Variants in ZDHHC24 observed in about 807,000 individuals in gnomAD.
ZDHHC24 encodes probable palmitoyltransferase ZDHHC24.
ZDHHC24 carries 17 observed loss-of-function variants against 23.2 expected under a neutral mutation model. That is an observed-to-expected ratio of 0.73 (90% CI 0.50 to 1.10). The LOEUF (loss-of-function observed/expected upper bound fraction) is 1.10. Ranked by LOEUF, ZDHHC24 falls within the 50% of genes least tolerant of loss-of-function variation. The pLI, the probability that ZDHHC24 is intolerant of heterozygous loss-of-function variation, is 0.00. For synonymous variants in ZDHHC24, 186 were observed against 194.5 expected (o/e 0.96, Z 0.36); for missense variants, 366 against 393.0 (o/e 0.93, Z 0.58).
downstream of ZDHHC24, among the ~76,000 whole-genome samples, chr11:66,534,969 T>G (rs1421037729): frequency 2.0e-5 from 3 of 152,146 alleles, no homozygotes; most frequent in South Asian, 2.1e-4. Flanking sequence ...CTCGGCTCAC[T>G]GCAACCTCTG....
downstream of ZDHHC24, among the ~76,000 whole-genome samples, chr11:66,534,831 G>A (rs1206147231): frequency 6.6e-6 from 1 of 151,994 alleles, no homozygotes; most frequent in Non-Finnish European, 1.5e-5. Flanking sequence ...GAGTAGCTGG[G>A]ACTACAGGCG....
chr11:66,523,191 T>G, intron 4 of ZDHHC24: 2 of 593,912 alleles, frequency 3.4e-6, no homozygotes, highest in Non-Finnish European at 6.3e-6. Context: ...CAAGCCACCA[T>G]AGTGAAGGTG....
At chr11:66,533,946 A>G (rs1017780248), downstream of ZDHHC24, among the ~76,000 whole-genome samples, 1 of 152,208 alleles carries the variant, frequency 6.6e-6, no homozygotes, top group Admixed American at 6.6e-5. Flanking sequence ...GGGCAGGCGG[A>G]CCACCTGAGG....
Position 66,529,310 on chromosome 11 carries a change from A to C in ZDHHC24, c.736+2T>G, listed in dbSNP as rs1360208689. The C allele has an allele frequency of 6.5e-7, 1 of 1,536,194 alleles. No homozygotes were observed. The highest frequency in any genetic ancestry group is 8.7e-7 in the Non-Finnish European group (1 of 1,146,814). ...ACAGGGAGGCAGTGACGGAGGCAGG[A>C]CCATGAGGCTGGTTTCCGCAGCATT... is the stretch of plus-strand genomic sequence containing the variant. On this transcript the variant is annotated splice_donor_variant, in intron 3 of 4. Coordinates refer to the ZDHHC24 transcript ENST00000526986. LOFTEE classifies it high-confidence loss of function.
chr11:66,528,546 G>A (rs1221072097), intron 3 of ZDHHC24, among the ~76,000 whole-genome samples: 1 of 152,188 alleles, frequency 6.6e-6, no homozygotes, highest in Non-Finnish European at 1.5e-5. Flanking sequence ...GCAGGATTAG[G>A]AAGTCCAGAA....
exon 5 of ZDHHC24, chr11:66,521,108 G>T (rs1035875357): frequency 2.2e-5 from 15 of 687,244 alleles, no homozygotes; most frequent in Non-Finnish European, 3.4e-5. Flanking sequence ...TTTGCTAAAT[G>T]TTGCCCCAAG....
At position 66,539,798 on chromosome 11, in the gene ZDHHC24, A is replaced by C; in HGVS notation, c.586T>G (p.Leu196Val). ...TGRVSLAQFA[L>V]AFVTDTCVAG... ...ACGCACGTGTCCGTCACGAAGGCCAAGGCAAACTGTGCCAGAGACACTCTG... is the reference window on the plus strand; with the variant it reads ...ACGCACGTGTCCGTCACGAAGGCCACGGCAAACTGTGCCAGAGACACTCTG... Residue 196 changes from leucine (L) to valine (V), a missense_variant, in exon 3 of 3, where the codon TTG (leucine) becomes GTG (valine). By Grantham distance (32) the Leu-to-Val change is conservative. Transcript: ENST00000310442. 1 of 1,610,056 alleles carries C rather than the reference A, an allele frequency of 6.2e-7. No homozygotes were observed. The highest frequency in any genetic ancestry group is 8.5e-7 in the Non-Finnish European group (1 of 1,178,030).
chr11:66,545,943 G>C lies in ZDHHC24; in HGVS notation c.61C>G (p.Leu21Val). The change falls in exon 1 of 3, where the codon CTC (leucine) becomes GTC (valine). Residue 21 changes from leucine to valine, a missense_variant. Physicochemically the swap from Leu to Val is conservative, Grantham distance 32. Coordinates refer to ENST00000310442, the MANE Select transcript of ZDHHC24 (RefSeq NM_207340.3). This position sits in a 1 kb window ranked among gnomAD's most constrained non-coding sequence, Gnocchi z 4.5. Reference protein sequence around the residue: ...DGAPAQLPLVLTALWAAAVGL... With the variant: ...DGAPAQLPLVVTALWAAAVGL... ...ACGGCCGCGGCCCACAGCGCGGTGA[G>C]CACGAGAGGCAGCTGCGCGGGCGCC... 6.8e-7 allele frequency: 1 copy of C among 1,469,256 alleles called. No individual in the cohort carries two copies. Among genetic ancestry groups the C allele is most frequent in the East Asian group, 2.7e-5 (1 of 36,428 alleles). 91.0% of individuals were successfully genotyped at this position (1,469,256 alleles called of 1,614,324 possible).
downstream of ZDHHC24, chr11:66,533,567 A>T (rs1049032089): frequency 3.3e-5 from 5 of 152,226 alleles, no homozygotes; most frequent in African/African-American, 1.2e-4. Context: ...CGGAGCCAAG[A>T]GTTGGACTAT....
At chr11:66,539,852 G>T in intron 2 of ZDHHC24, 28 bp from the exon 3 acceptor site, 1 of 1,548,450 alleles carries the variant, frequency 6.5e-7, no homozygotes, top group Admixed American at 1.9e-5. Context: ...AGAGGGTCAG[G>T]GAGGGGCAGT....
At chr11:66,531,371 A>G (rs139085733), downstream of ZDHHC24, among the ~76,000 whole-genome samples, 1,444 of 152,282 alleles carry the variant, frequency 9.5e-3, 7 homozygotes, top group Non-Finnish European at 0.015. Context: ...CCCAGGGCCC[A>G]GGTCTGACCC....
At chr11:66,529,907 C>T in intron 2 of ZDHHC24, 2 of 1,606,806 alleles carry the variant, frequency 1.2e-6, no homozygotes, top group Non-Finnish European at 1.7e-6. Flanking sequence ...CCAGCCTGAG[C>T]CCCCTGTCCA....
In ZDHHC24 at chr11:66,526,734, C is replaced by T. The variant is rs775519437; in HGVS notation, c.*21+202G>A. 2 of 1,614,224 alleles carry T rather than the reference C, an allele frequency of 1.2e-6. No homozygotes were observed. On this transcript the variant is annotated intron_variant, in intron 4 of 4. Coordinates refer to the ZDHHC24 transcript ENST00000526986. ...AGGTGGGTCCCCCACCAGCCCAGGCCATGAAACTCAATGTGCCCCGAAAGA... is the reference window on the plus strand; with the variant it reads ...AGGTGGGTCCCCCACCAGCCCAGGCTATGAAACTCAATGTGCCCCGAAAGA...
At chr11:66,521,929 CAG>C (rs1856246691) in intron 4 of ZDHHC24, among the ~76,000 whole-genome samples, 2 of 107,020 alleles carry the variant, frequency 1.9e-5, no homozygotes, top group African/African-American at 7.1e-5. Flanking sequence ...AAAAAAAAAG[CAG>C]GGGGGTGCCG....
Position 66,543,747 on chromosome 11 carries a change from G to A in ZDHHC24, c.516C>T (p.His172=), listed in dbSNP as rs1472880312. The part of the protein sequence containing the change: ...SALLRAHTPL[H]MAALLLLPWL... ...AGGGAAGCAGGAGGAGGGCAGCCAT[G>A]TGGAGGGGCGTGTGGGCTCGCAGCA... Residue 172 remains histidine, a synonymous_variant, in exon 2 of 3, where the codon CAC becomes CAT. Coordinates refer to ENST00000310442, the MANE Select transcript of ZDHHC24 (RefSeq NM_207340.3). 1.2e-6 allele frequency: 2 copies of A among 1,604,416 alleles called. No individual in the cohort carries two copies. Among genetic ancestry groups the A allele is most frequent in the Admixed American group, 1.7e-5 (1 of 57,798 alleles).
At chr11:66,534,517 G>T (rs1295429206), downstream of ZDHHC24, among the ~76,000 whole-genome samples, 1 of 149,040 alleles carries the variant, frequency 6.7e-6, no homozygotes, top group African/African-American at 2.5e-5. Context: ...GTCACTAGAG[G>T]CCGGGTATAG....
At chr11:66,534,444 A>G (rs1856897259), downstream of ZDHHC24, among the ~76,000 whole-genome samples, 1 of 67,102 alleles carries the variant, frequency 1.5e-5, no homozygotes, top group African/African-American at 9.0e-5. Flanking sequence ...ACTCTGTCTC[A>G]AAAAAAAAAA....
chr11:66,521,287 C>T (rs1856204232), exon 5 of ZDHHC24: 1 of 1,614,060 alleles, frequency 6.2e-7, no homozygotes, highest in Non-Finnish European at 8.5e-7. Context: ...TTCCCAGCGT[C>T]CCCGTCTTCC....
chr11:66,537,711 A>G lies in ZDHHC24; in HGVS notation c.*1818T>C, dbSNP rs578095696. On this transcript the variant is annotated 3_prime_UTR_variant, in exon 3 of 3. Transcript: ENST00000310442. Reference sequence around the variant, plus strand: ...TGGGAGGCCGAGGCAGGTGGATCACAAGGTCAGGAGATCGAGACCATCCTG... The same window carrying G: ...TGGGAGGCCGAGGCAGGTGGATCACGAGGTCAGGAGATCGAGACCATCCTG... 1.1e-4 allele frequency: 16 copies of G among 144,580 alleles called. No individual in the cohort carries two copies. The highest frequency in any genetic ancestry group is 3.4e-3 in the Middle Eastern group (1 of 290). 9.0% of individuals were successfully genotyped at this position (144,580 alleles called of 1,614,324 possible).
Sources: allele counts gnomAD v4.1 joint callset (sites outside exome capture counted in the v4.1 genomes callset), GRCh38; gene constraint gnomAD v4.1.1; non-coding constraint Gnocchi (gnomAD v3.1); transcripts MANE v1.5; gene names NCBI Gene and HGNC (gene_info 2026-07-23, HGNC 2026-07-21).